SASH1: variants seen among roughly 807,000 people sequenced by gnomAD.
The protein encoded by SASH1 is SAM and SH3 domain-containing protein 1.
A neutral mutation model predicts 125.2 loss-of-function variants in SASH1; 44 were observed. That is an observed-to-expected ratio of 0.35 (90% CI 0.28 to 0.45). The LOEUF is 0.45. Among genes scored for constraint, SASH1 ranks in the 20% least tolerant of loss-of-function variants. The pLI is 1.00. For missense variants in SASH1, 1,426 were observed against 1,614.5 expected (o/e 0.88, Z 2.00); for synonymous variants, 639 against 649.1 (o/e 0.98, Z 0.24).
At chr6:148,300,442 ATTTTTTT>A (rs34126353) in intron 1 of SASH1, among the ~76,000 whole-genome samples, 4 of 108,360 alleles carry the variant, frequency 3.7e-5, no homozygotes, top group Admixed American at 1.0e-4. Flanking sequence ...CAGAAACAAG[ATTTTTTT>A]TTTTTTTTTT....
At chr6:148,513,949 G>T in intron 8 of SASH1, 1 of 995,114 alleles carries the variant, frequency 1.0e-6, no homozygotes. Flanking sequence ...GGGCCAGACA[G>T]ATGAGAGCCT....
the SASH1 span, among the ~76,000 whole-genome samples, chr6:148,218,406 G>A: frequency 5.3e-5 from 8 of 152,214 alleles, no homozygotes; most frequent in South Asian, 4.2e-4. Flanking sequence ...GTTATTTTAC[G>A]CTTCAGTAAG....
In SASH1 at chr6:148,343,221, C is replaced by T. The variant is rs759729898; in HGVS notation, c.154C>T (p.Leu52=). ...SRLWTDVMGI[L]DGSLGNIDDL... ...ACTCTGGACCGACGTGATGGGTATC[C>T]TGGTAAGTTACCTGGGGAGGGGGCG... The change falls in exon 1 of 20, where the codon CTG becomes TTG. Residue 52 remains leucine, a splice_region_variant and synonymous_variant. Coordinates refer to ENST00000367467, the MANE Select transcript of SASH1 (RefSeq NM_015278.5). 6.3e-7 allele frequency: 1 copy of T among 1,584,944 alleles called. No homozygotes were observed. Among genetic ancestry groups the T allele is most frequent in the African/African-American group, 1.3e-5 (1 of 74,118 alleles).
intron 1 of SASH1, among the ~76,000 whole-genome samples, chr6:148,387,660 CTTTCTTTCTTTCTTTCTTTCTT>C (rs1562371616): frequency 1.8e-5 from 1 of 55,798 alleles, no homozygotes. Flanking sequence ...TTCTTTCTTT[CTTTCTTTCTTTCTTTCTTTCTT>C]TCTTTCTTTC....
chr6:148,234,166 T>C, the SASH1 span, among the ~76,000 whole-genome samples: 1 of 151,834 alleles, frequency 6.6e-6, no homozygotes, highest in Admixed American at 6.6e-5. Context: ...GCCTCCAGTG[T>C]AGCTGGGACC....
At chr6:148,474,285 T>A in intron 7 of SASH1, 63 bp downstream of exon 7, 1 of 1,037,622 alleles carries the variant, frequency 9.6e-7, no homozygotes, top group Non-Finnish European at 1.5e-6. Context: ...GTAAAAATGT[T>A]TGCGGCCAAC....
At chr6:148,325,508 A>G (rs184152876) in intron 1 of SASH1, among the ~76,000 whole-genome samples, 15 of 152,218 alleles carry the variant, frequency 9.9e-5, no homozygotes, top group Admixed American at 2.0e-4. Flanking sequence ...TCCTGACCTC[A>G]GGTGATCCAC....
At chr6:148,465,850 G>A (rs557417306) in intron 4 of SASH1, among the ~76,000 whole-genome samples, 5 of 151,952 alleles carry the variant, frequency 3.3e-5, no homozygotes, top group Non-Finnish European at 7.4e-5. Context: ...CACTTCTCCC[G>A]TGGCCCTGAG....
chr6:148,437,653 C>T (rs1353212343), intron 2 of SASH1, among the ~76,000 whole-genome samples: 2 of 152,178 alleles, frequency 1.3e-5, no homozygotes, highest in African/African-American at 4.8e-5. Context: ...GACGGCATTG[C>T]GTGATGATCA....
chr6:148,199,517 G>A, the SASH1 span, among the ~76,000 whole-genome samples: 4 of 152,100 alleles, frequency 2.6e-5, no homozygotes, highest in African/African-American at 4.8e-5. Flanking sequence ...GAGCAATATA[G>A]TGAGACCCCA....
At chr6:148,462,707 G>C (rs959030699) in intron 4 of SASH1, among the ~76,000 whole-genome samples, 56 of 152,074 alleles carry the variant, frequency 3.7e-4, no homozygotes, top group African/African-American at 1.3e-3. Flanking sequence ...TCAAGAGCTG[G>C]GCCAGTATGT....
intron 2 of SASH1, among the ~76,000 whole-genome samples, chr6:148,427,009 G>A (rs1002688008): frequency 3.3e-5 from 5 of 152,070 alleles, no homozygotes; most frequent in African/African-American, 1.2e-4. Context: ...AGTGTGGGTG[G>A]TGCGTGCCTA....
intron 4 of SASH1, among the ~76,000 whole-genome samples, chr6:148,464,988 G>A (rs969019709): frequency 2.0e-5 from 3 of 152,072 alleles, no homozygotes; most frequent in Admixed American, 2.0e-4. Flanking sequence ...CAAACCGGAG[G>A]ATAAAATTAT....
intron 10 of SASH1, 141 bp from the exon 11 acceptor site, chr6:148,525,147 CTCA>C: frequency 1.5e-6 from 1 of 660,972 alleles, no homozygotes; most frequent in Non-Finnish European, 2.7e-6. Context: ...GTGTTTTTTT[CTCA>C]TCATTTCTCG....
At chr6:148,347,989 A>G (rs1781574489) in intron 1 of SASH1, among the ~76,000 whole-genome samples, 1 of 152,030 alleles carries the variant, frequency 6.6e-6, no homozygotes, top group African/African-American at 2.4e-5. Context: ...TGGCTTTCAT[A>G]ATTTTATTTA....
intron 7 of SASH1, 98 bp downstream of exon 7, chr6:148,474,320 A>C: frequency 1.5e-6 from 1 of 654,406 alleles, no homozygotes; most frequent in Non-Finnish European, 2.7e-6. Flanking sequence ...TCAGGTACCC[A>C]TGTTGTCAGA....
At chr6:148,194,963 A>G in the SASH1 span, among the ~76,000 whole-genome samples, 8 of 152,248 alleles carry the variant, frequency 5.3e-5, no homozygotes, top group African/African-American at 1.9e-4. Context: ...ATAATGCTAT[A>G]TCTGAGCTGG....
At position 148,298,224 on chromosome 6, in the gene SASH1, G is replaced by T. The variant is rs1413984951; in HGVS notation, n.74+25847G>T. Among the ~76,000 whole-genome samples the T allele has an allele frequency of 2.0e-5, 3 of 151,982 alleles. No individual in the cohort carries two copies. In the South Asian group the frequency reaches 6.2e-4, roughly 32 times the overall value. On this transcript the variant is annotated intron_variant and non_coding_transcript_variant, in intron 1 of 3. Transcript: ENST00000367469. ...GATGGGGTGTCACCATGTTGGCCAG[G>T]CTGGTCTTGAACTCCTGACCTTGGG... is the stretch of plus-strand genomic sequence containing the variant.
chr6:148,422,388 G>A (rs1388643990), intron 2 of SASH1, among the ~76,000 whole-genome samples: 15 of 151,950 alleles, frequency 9.9e-5, no homozygotes, highest in South Asian at 6.2e-4. Context: ...ACGTGTATAC[G>A]TCAGTGTGCC....
Sources: gnomAD v4.1 joint callset for allele counts (sites outside exome capture counted in the v4.1 genomes callset) on GRCh38, gnomAD v4.1.1 for gene constraint, MANE v1.5 for transcripts, NCBI Gene and HGNC (gene_info 2026-07-23, HGNC 2026-07-21) for gene names.